The following PARD3 variants were observed in gnomAD, a reference collection of about 807,000 sequenced individuals.
PARD3 encodes the protein partitioning defective 3 homolog.
PARD3 carries 75 observed loss-of-function variants against 155.4 expected under a neutral mutation model. That is an observed-to-expected ratio of 0.48 (90% CI 0.40 to 0.58). The LOEUF (loss-of-function observed/expected upper bound fraction) is 0.58. Among genes scored for constraint, PARD3 ranks in the 20% least tolerant of loss-of-function variants. PARD3 has a pLI of 0.00. For synonymous variants in PARD3, 576 were observed against 610.5 expected (o/e 0.94, Z 0.83); for missense variants, 1,642 against 1,721.7 (o/e 0.95, Z 0.82).
intron 21 of PARD3, among the ~76,000 whole-genome samples, chr10:34,279,462 C>T (rs139980375): frequency 0.015 from 2,238 of 152,000 alleles, 33 homozygotes; most frequent in Non-Finnish European, 0.019. Flanking sequence ...AAAGGATTCA[C>T]GAGGTCAAAG....
intron 15 of PARD3, chr10:34,344,067 T>C (rs1484481910): frequency 1.1e-6 from 1 of 948,842 alleles, no homozygotes; most frequent in Non-Finnish European, 1.3e-6. Flanking sequence ...TATATGAATA[T>C]ACAAACTACT....
intron 22 of PARD3, among the ~76,000 whole-genome samples, chr10:34,222,812 A>G (rs1037211343): frequency 4.6e-5 from 7 of 152,222 alleles, no homozygotes; most frequent in African/African-American, 1.4e-4. Context: ...GATAAGTCCA[A>G]GAAAGGAAAC....
chr10:34,600,324 G>A (rs1469692552), intron 2 of PARD3, among the ~76,000 whole-genome samples: 3 of 151,916 alleles, frequency 2.0e-5, no homozygotes, highest in Non-Finnish European at 2.9e-5. Flanking sequence ...CAGCCTGGGC[G>A]ACAGAGCGAG....
chr10:34,339,640 T>C (rs1836584527), intron 16 of PARD3, among the ~76,000 whole-genome samples: 1 of 152,238 alleles, frequency 6.6e-6, no homozygotes, highest in South Asian at 2.1e-4. Context: ...GATTAATGGA[T>C]TGAAAATAGT....
intron 3 of PARD3, among the ~76,000 whole-genome samples, chr10:34,497,934 T>A (rs2080402462): frequency 6.6e-6 from 1 of 152,158 alleles, no homozygotes; most frequent in Non-Finnish European, 1.5e-5. Context: ...CATACTTAGA[T>A]CTTGGAAAAT....
At chr10:34,542,234 T>TGTGTGTAC (rs143582528) in intron 2 of PARD3, among the ~76,000 whole-genome samples, 11 of 146,300 alleles carry the variant, frequency 7.5e-5, no homozygotes, top group South Asian at 2.2e-4. Flanking sequence ...TGTGTGTGTG[T>TGTGTGTAC]GTGTGCACAC....
intron 22 of PARD3, among the ~76,000 whole-genome samples, chr10:34,179,537 C>G (rs1018047321): frequency 1.3e-5 from 2 of 152,152 alleles, no homozygotes; most frequent in Non-Finnish European, 2.9e-5. Flanking sequence ...CAGAAAATCG[C>G]TGTAACAATC....
intron 22 of PARD3, chr10:34,201,898 C>G (rs927616908): frequency 2.6e-5 from 4 of 152,164 alleles, no homozygotes; most frequent in African/African-American, 9.7e-5. Flanking sequence ...TGACAGGATC[C>G]CCACCCCAGT....
intron 22 of PARD3, among the ~76,000 whole-genome samples, chr10:34,184,418 G>A (rs1039584950): frequency 5.3e-5 from 8 of 152,218 alleles, no homozygotes; most frequent in East Asian, 3.9e-4. Context: ...GCCCTCCTTC[G>A]TGATTAGTTA....
At chr10:34,177,903 A>G (rs1242717424) in intron 22 of PARD3, among the ~76,000 whole-genome samples, 5 of 152,176 alleles carry the variant, frequency 3.3e-5, no homozygotes, top group Non-Finnish European at 7.3e-5. Context: ...TCTGGCCCTC[A>G]GCCGTTCTAA....
At chr10:34,598,658 G>A (rs2089502304) in intron 2 of PARD3, among the ~76,000 whole-genome samples, 1 of 152,094 alleles carries the variant, frequency 6.6e-6, no homozygotes, top group Non-Finnish European at 1.5e-5. Context: ...TAGTAAATGG[G>A]GTTGCACCCC....
chr10:34,367,773 C>T (rs1840119316), intron 12 of PARD3, among the ~76,000 whole-genome samples: 2 of 152,118 alleles, frequency 1.3e-5, no homozygotes, highest in African/African-American at 4.8e-5. Flanking sequence ...CAAAATAAAC[C>T]TAATAAGGCC....
intron 1 of PARD3, among the ~76,000 whole-genome samples, chr10:34,761,989 G>A (rs1360103847): frequency 6.6e-6 from 1 of 151,954 alleles, no homozygotes; most frequent in East Asian, 1.9e-4. Flanking sequence ...TTTGAACACA[G>A]CCACAAAAGA....
intron 3 of PARD3, among the ~76,000 whole-genome samples, chr10:34,486,710 G>C (rs961513971): frequency 1.3e-5 from 2 of 152,308 alleles, no homozygotes; most frequent in Middle Eastern, 3.4e-3. Flanking sequence ...AGTAGGTCTG[G>C]AATGGGTAGG....
At chr10:34,280,646 C>T (rs1956112197) in intron 21 of PARD3, among the ~76,000 whole-genome samples, 1 of 152,148 alleles carries the variant, frequency 6.6e-6, no homozygotes, top group African/African-American at 2.4e-5. Context: ...AAACAATCAA[C>T]TCCGGTTTCC....
In PARD3 at chr10:34,111,027, G is replaced by A. The variant is rs944726361; in HGVS notation, c.*142C>T. On this transcript the variant is annotated 3_prime_UTR_variant, in exon 25 of 25. Coordinates refer to ENST00000374788, the MANE Select transcript of PARD3 (RefSeq NM_001184785.2). Reference sequence around the variant, plus strand: ...AGACATTAAGGCCTTCCATTTCTTTGCCTACACCGCTTAAAGGCACTGATA... The same window carrying A: ...AGACATTAAGGCCTTCCATTTCTTTACCTACACCGCTTAAAGGCACTGATA... The A allele has an allele frequency of 4.7e-6, 4 of 854,732 alleles. No individual in the cohort carries two copies. The highest frequency in any genetic ancestry group is 3.6e-4 in the Middle Eastern group (1 of 2,774). 52.9% of individuals were successfully genotyped at this position (854,732 alleles called of 1,614,324 possible).
At chr10:34,474,329 T>C (rs1039308510) in intron 3 of PARD3, among the ~76,000 whole-genome samples, 1 of 152,208 alleles carries the variant, frequency 6.6e-6, no homozygotes, top group Non-Finnish European at 1.5e-5. Flanking sequence ...GGGGCAGGTA[T>C]AGGTTCATAC....
Position 34,220,591 on chromosome 10 carries a change from C to T in PARD3, c.3419+49066G>A, listed in dbSNP as rs1435060954. On this transcript the variant is annotated intron_variant, in intron 22 of 24. Coordinates refer to ENST00000374788, the MANE Select transcript of PARD3 (RefSeq NM_001184785.2). ...GGTGATTGACAAAGCTCTGAAACCA[C>T]AATACAGGCACCCGAAATGCAATGG... 2.6e-5 allele frequency among the ~76,000 whole-genome samples: 4 copies of T among 152,270 alleles called. No homozygotes were observed. The East Asian group carries it at 7.7e-4, about 29-fold the overall frequency.
chr10:34,786,671 G>A (rs1325528979), intron 1 of PARD3, among the ~76,000 whole-genome samples: 7 of 151,400 alleles, frequency 4.6e-5, no homozygotes, highest in African/African-American at 1.7e-4. Flanking sequence ...AGATCTCCAT[G>A]AGATCCACAC....
Sources: gnomAD v4.1 joint callset for allele counts (sites outside exome capture counted in the v4.1 genomes callset) on GRCh38, gnomAD v4.1.1 for gene constraint, MANE v1.5 for transcripts, NCBI Gene and HGNC (gene_info 2026-07-23, HGNC 2026-07-21) for gene names.